Variants in PATJ observed in about 807,000 individuals in gnomAD.
PATJ encodes the protein inaD-like protein.
PATJ carries 190 observed loss-of-function variants against 224.9 expected under a neutral mutation model. The ratio of observed to expected loss-of-function variants is 0.84; its 90% confidence interval spans 0.75 to 0.95. The LOEUF is 0.95. Among genes scored for constraint, PATJ ranks in the 40% least tolerant of loss-of-function variants. PATJ has a pLI of 0.00. For missense variants in PATJ, 2,121 were observed against 2,270.3 expected (o/e 0.93, Z 1.34); for synonymous variants, 769 against 820.3 (o/e 0.94, Z 1.07).
chr1:61,983,700 T>C (rs557445660), intron 27 of PATJ, among the ~76,000 whole-genome samples: 2 of 152,166 alleles, frequency 1.3e-5, no homozygotes, highest in East Asian at 1.9e-4. Flanking sequence ...TGCCAGACAC[T>C]GTTGTGGGTA....
intron 23 of PATJ, among the ~76,000 whole-genome samples, chr1:61,900,194 T>C (rs1670931708): frequency 6.6e-6 from 1 of 152,206 alleles, no homozygotes; most frequent in African/African-American, 2.4e-5. Flanking sequence ...CTTTAGCTGC[T>C]CTCTGTATTC....
chr1:62,029,439 G>T (rs1017824405), intron 29 of PATJ, among the ~76,000 whole-genome samples: 4 of 152,004 alleles, frequency 2.6e-5, no homozygotes, highest in African/African-American at 7.3e-5. Context: ...TGTTCTTTTC[G>T]AGTTTATATT....
intron 34 of PATJ, among the ~76,000 whole-genome samples, 159 bp downstream of exon 34, chr1:62,108,679 A>G (rs1414092269): frequency 6.6e-6 from 1 of 152,178 alleles, no homozygotes; most frequent in African/African-American, 2.4e-5. Flanking sequence ...TACATTATAC[A>G]GTGGTTTAGA....
At chr1:61,893,659 G>A (rs1419749042) in intron 22 of PATJ, among the ~76,000 whole-genome samples, 1 of 151,826 alleles carries the variant, frequency 6.6e-6, no homozygotes, top group African/African-American at 2.4e-5. Flanking sequence ...AAAATTAGCC[G>A]GGCATGGTAG....
rs759781012 is a variant in PATJ, at chr1:62,114,240, G to A, written c.4649G>A (p.Gly1550Glu). Reference protein sequence around the residue: ...AGRGLGLSIVGKRNGSGVFIS... With the variant: ...AGRGLGLSIVEKRNGSGVFIS... ...CGGGGCCTGGGCCTGAGCATCGTTG[G>A]GAAACGGTAAAGACGTGCTGTGGGA... Residue 1550 changes from glycine to glutamate, a missense_variant, in exon 35 of 44, where the codon GGG (glycine) becomes GAG (glutamate). By Grantham distance (98) the Gly-to-Glu change is moderately conservative. Coordinates refer to ENST00000642238, the MANE Select transcript of PATJ (RefSeq NM_001350145.3). The A allele has an allele frequency of 3.7e-6, 6 of 1,613,794 alleles. No individual in the cohort carries two copies. Among genetic ancestry groups the A allele is most frequent in the Non-Finnish European group, 5.1e-6 (6 of 1,179,926 alleles).
chr1:61,793,612 G>A (rs1427040267), intron 9 of PATJ, among the ~76,000 whole-genome samples: 2 of 151,506 alleles, frequency 1.3e-5, no homozygotes, highest in South Asian at 2.1e-4. Context: ...GCAGCTACTC[G>A]GGAGGCTGAG....
chr1:61,917,872 C>T (rs991293935), intron 26 of PATJ, among the ~76,000 whole-genome samples: 2 of 151,832 alleles, frequency 1.3e-5, no homozygotes, highest in East Asian at 1.9e-4. Context: ...ACCAACATGG[C>T]GAAACCCCGT....
chr1:62,128,289 G>A, intron 40 of PATJ, 195 bp downstream of exon 40: 1 of 536,224 alleles, frequency 1.9e-6, no homozygotes, highest in South Asian at 2.9e-5. Context: ...ATTATTATTT[G>A]TATCAAAGCT....
chr1:61,797,088 A>G (rs1651488072), intron 10 of PATJ, among the ~76,000 whole-genome samples, 199 bp from the exon 11 acceptor site: 1 of 152,126 alleles, frequency 6.6e-6, no homozygotes, highest in African/African-American at 2.4e-5. Context: ...TCTGGTCTCG[A>G]ACTCCTGACC....
At chr1:62,081,086 C>T (rs934988216) in intron 32 of PATJ, among the ~76,000 whole-genome samples, 2 of 152,144 alleles carry the variant, frequency 1.3e-5, no homozygotes, top group Non-Finnish European at 1.5e-5. Flanking sequence ...TAAGTAGTCA[C>T]AACAGAGACA....
At chr1:62,155,692 T>TAAAA (rs34095874) in intron 43 of PATJ, among the ~76,000 whole-genome samples, 3 of 140,626 alleles carry the variant, frequency 2.1e-5, no homozygotes, top group East Asian at 2.1e-4. Context: ...GCTCTGAATT[T>TAAAA]AAAAAAAAAA....
At chr1:61,826,747 A>T (rs1374832841) in intron 15 of PATJ, among the ~76,000 whole-genome samples, 1 of 152,228 alleles carries the variant, frequency 6.6e-6, no homozygotes, top group East Asian at 1.9e-4. Flanking sequence ...AAATTATTTT[A>T]AAAATTATTT....
chr1:61,826,363 G>A (rs1658255754), intron 15 of PATJ, among the ~76,000 whole-genome samples: 1 of 152,176 alleles, frequency 6.6e-6, no homozygotes, highest in South Asian at 2.1e-4. Context: ...CTGAACATTA[G>A]CACGGCACCT....
rs556920840 is a variant in PATJ at position 61,742,504 on chromosome 1, C to T, written c.-87C>T. The T allele has an allele frequency of 6.6e-6, 1 of 152,452 alleles. No individual in the cohort carries two copies. The highest frequency in any genetic ancestry group is 2.1e-4 in the South Asian group (1 of 4,830). The allele number at this position is 152,452 out of a possible 1,614,324, so 9.4% of individuals were successfully genotyped here. The stretch of plus-strand genomic sequence containing the variant: ...CACTTCCGCCCAGGTGAGGCAGGGC[C>T]GACACCGAGCCCGCCCGACCCGGGC... On this transcript the variant is annotated 5_prime_UTR_variant, in exon 1 of 44. Transcript: ENST00000642238.
chr1:61,803,234 C>A (rs879268076), intron 12 of PATJ, among the ~76,000 whole-genome samples: 1 of 152,048 alleles, frequency 6.6e-6, no homozygotes, highest in Non-Finnish European at 1.5e-5. Context: ...GCTACATGAC[C>A]TTTTAAAAAC....
At chr1:62,159,226 C>G (rs1280102899) in intron 43 of PATJ, among the ~76,000 whole-genome samples, 7 of 152,108 alleles carry the variant, frequency 4.6e-5, no homozygotes, top group African/African-American at 1.7e-4. Flanking sequence ...AGAGTTTACT[C>G]TTTTTGCCCA....
chr1:61,745,445 T>C (rs1644972273), intron 1 of PATJ, among the ~76,000 whole-genome samples: 1 of 152,142 alleles, frequency 6.6e-6, no homozygotes, highest in East Asian at 1.9e-4. Context: ...GGCTAATTTT[T>C]GTATTTTTAG....
rs747401818 is a variant in PATJ, at chr1:62,079,479, T to G, written c.4155T>G (p.Tyr1385Ter). 6.2e-7 allele frequency: 1 copy of G among 1,613,806 alleles called. No individual in the cohort carries two copies. Among genetic ancestry groups the G allele is most frequent in the South Asian group, 1.1e-5 (1 of 91,046 alleles). Reference protein sequence around the residue: ...LAVSQMKQQKYPTKVSFSSQE... With the variant: ...LAVSQMKQQK ...TCAGCCAGATGAAACAGCAAAAATA[T>G]CCAACAAAAGTCTCCTTCAGTTCAC... The change falls in exon 32 of 44, where the codon TAT becomes TAG. Residue 1385 changes from tyrosine to a stop codon, truncating the protein, a stop_gained. Transcript: ENST00000642238. LOFTEE classifies it high-confidence loss of function.
intron 15 of PATJ, among the ~76,000 whole-genome samples, chr1:61,825,528 G>A (rs1220399341): frequency 1.3e-5 from 2 of 152,022 alleles, no homozygotes; most frequent in African/African-American, 4.8e-5. Flanking sequence ...TGTGTTTAAT[G>A]TACTCCTTGG....
Sources: allele counts gnomAD v4.1 joint callset (sites outside exome capture counted in the v4.1 genomes callset), GRCh38; gene constraint gnomAD v4.1.1; transcripts MANE v1.5; gene names NCBI Gene and HGNC (gene_info 2026-07-23, HGNC 2026-07-21).